Variants in ST8SIA1 observed in about 807,000 individuals in gnomAD.
ST8SIA1 encodes the protein alpha-N-acetylneuraminide alpha-2,8-sialyltransferase.
In ST8SIA1, 16 loss-of-function variants were observed where a neutral mutation model predicts 35.9. That is an observed-to-expected ratio of 0.45 (90% confidence interval 0.30 to 0.68). The LOEUF (loss-of-function observed/expected upper bound fraction) is 0.68. Ranked by LOEUF, ST8SIA1 falls within the 30% of genes least tolerant of loss-of-function variation. The probability of loss-of-function intolerance (pLI) is 0.09; values close to 1 mark genes in which losing one functional copy is unlikely to be tolerated. For synonymous variants in ST8SIA1, 170 were observed against 169.6 expected (o/e 1.00, Z -0.02); for missense variants, 383 against 453.6 (o/e 0.84, Z 1.41).
intron 4 of ST8SIA1, among the ~76,000 whole-genome samples, chr12:22,228,589 C>T (rs1447797552): frequency 6.6e-6 from 1 of 152,140 alleles, no homozygotes; most frequent in Non-Finnish European, 1.5e-5. Flanking sequence ...GAGTCATTGC[C>T]ATTGGAGAGC....
At chr12:22,310,179 G>A (rs1332489261) in intron 1 of ST8SIA1, among the ~76,000 whole-genome samples, 1 of 152,170 alleles carries the variant, frequency 6.6e-6, no homozygotes. Flanking sequence ...TAAATAAGGT[G>A]TATAAAGTAC....
intron 4 of ST8SIA1, among the ~76,000 whole-genome samples, chr12:22,221,953 C>T (rs1351857605): frequency 6.6e-6 from 1 of 152,080 alleles, no homozygotes; most frequent in Non-Finnish European, 1.5e-5. Context: ...TACCACCATT[C>T]TTCACCCATT....
At position 22,254,024 on chromosome 12, in the gene ST8SIA1, G is replaced by A. The variant is rs559682583; in HGVS notation, c.491+1256C>T. On this transcript the variant is annotated intron_variant, in intron 3 of 4. Coordinates refer to ENST00000396037, the MANE Select transcript of ST8SIA1 (RefSeq NM_003034.4). ...TTTTTCCACTCCTAGACTGTTACTC[G>A]TTTATACTTAAAAATAAACAGGAAT... is the stretch of plus-strand genomic sequence containing the variant. Among the ~76,000 whole-genome samples the A allele has an allele frequency of 3.3e-5, 5 of 151,998 alleles. No homozygotes were observed. In the South Asian group the frequency reaches 6.3e-4, roughly 19 times the overall value.
At chr12:22,309,421 C>T (rs1402540536) in intron 1 of ST8SIA1, among the ~76,000 whole-genome samples, 1 of 152,130 alleles carries the variant, frequency 6.6e-6, no homozygotes, top group East Asian at 1.9e-4. Flanking sequence ...CTCTGCTTCA[C>T]CTTTTGACAT....
chr12:22,300,912 A>G (rs1238232750), intron 1 of ST8SIA1, among the ~76,000 whole-genome samples: 4 of 152,190 alleles, frequency 2.6e-5, no homozygotes, highest in Non-Finnish European at 5.9e-5. Flanking sequence ...TATAGGAAGC[A>G]TCGTCAAATC....
intron 1 of ST8SIA1, among the ~76,000 whole-genome samples, chr12:22,305,265 C>G (rs756724734): frequency 6.6e-6 from 1 of 151,884 alleles, no homozygotes; most frequent in Non-Finnish European, 1.5e-5. Context: ...AAAGGATAGA[C>G]TAGTCAAATG....
rs548541998 is a variant in ST8SIA1 at position 22,193,532 on chromosome 12, G to A, written c.*8020C>T. The A allele has an allele frequency of 1.7e-4, 26 of 152,268 alleles. No homozygotes were observed. The highest frequency in any genetic ancestry group is 6.3e-4 in the African/African-American group (26 of 41,578). 9.4% of individuals were successfully genotyped at this position (152,268 alleles called of 1,614,324 possible). A position where few individuals can be genotyped will look rare whatever the true frequency, so the allele number is the denominator to read the frequency against. Reference sequence around the variant, plus strand: ...CCAAAGAAAAAGACATGTTTTTACAGCAAACCTCCTCCTATGACATTGCAT... The same window carrying A: ...CCAAAGAAAAAGACATGTTTTTACAACAAACCTCCTCCTATGACATTGCAT... On this transcript the variant is annotated 3_prime_UTR_variant, in exon 5 of 5. Transcript: ENST00000396037.
chr12:22,242,342 C>T (rs752072639), intron 4 of ST8SIA1, among the ~76,000 whole-genome samples: 1 of 152,118 alleles, frequency 6.6e-6, no homozygotes, highest in Non-Finnish European at 1.5e-5. Flanking sequence ...AGTAGTCCAT[C>T]GTCCATCTTT....
chr12:22,259,614 C>T (rs1386669643), intron 2 of ST8SIA1, among the ~76,000 whole-genome samples: 3 of 151,768 alleles, frequency 2.0e-5, no homozygotes, highest in South Asian at 4.2e-4. Flanking sequence ...TACAGGCACC[C>T]GCTACCATGC....
intron 1 of ST8SIA1, among the ~76,000 whole-genome samples, chr12:22,288,057 T>C (rs925687362): frequency 1.3e-5 from 2 of 152,178 alleles, no homozygotes; most frequent in Non-Finnish European, 2.9e-5. Context: ...TGGGCTGACT[T>C]GCAGGCTACT....
intron 1 of ST8SIA1, among the ~76,000 whole-genome samples, chr12:22,310,770 C>T (rs1866439381): frequency 6.6e-6 from 1 of 152,064 alleles, no homozygotes; most frequent in Non-Finnish European, 1.5e-5. Context: ...TCGTACATTC[C>T]TTTTCCCATA....
intron 1 of ST8SIA1, chr12:22,325,787 T>C (rs1206529975): frequency 1.5e-6 from 1 of 679,820 alleles, no homozygotes. Flanking sequence ...AGAACAATTA[T>C]AACAATATAC....
At chr12:22,332,619 T>G (rs1866782294) in intron 1 of ST8SIA1, among the ~76,000 whole-genome samples, 1 of 152,134 alleles carries the variant, frequency 6.6e-6, no homozygotes, top group Non-Finnish European at 1.5e-5. Context: ...GAGGTTATTT[T>G]TAAATTCAAT....
chr12:22,330,574 T>C lies in ST8SIA1; in HGVS notation c.236+3423A>G, dbSNP rs148899162. Among the ~76,000 whole-genome samples the C allele has an allele frequency of 1.8e-3, 276 of 152,328 alleles. 2 individuals carry two copies. The highest frequency in any genetic ancestry group is 6.2e-3 in the African/African-American group (256 of 41,588). ...CCCTATTTCCAGTTAGTTAATTATA[T>C]ACATTATCTGTCTTTTCCATGGGAT... On this transcript the variant is annotated intron_variant, in intron 1 of 4. Transcript: ENST00000396037.
chr12:22,324,128 A>G (rs925630156), intron 1 of ST8SIA1, among the ~76,000 whole-genome samples: 9 of 152,226 alleles, frequency 5.9e-5, no homozygotes, highest in Non-Finnish European at 1.2e-4. Flanking sequence ...TCCAACAAAG[A>G]TCATTGGTTA....
intron 4 of ST8SIA1, among the ~76,000 whole-genome samples, chr12:22,245,258 T>C (rs1435420306): frequency 6.6e-6 from 1 of 152,252 alleles, no homozygotes; most frequent in African/African-American, 2.4e-5. Flanking sequence ...CTTTCAATCA[T>C]GCACATGGTA....
At chr12:22,202,290 A>G (rs894156799) in intron 4 of ST8SIA1, among the ~76,000 whole-genome samples, 1 of 152,204 alleles carries the variant, frequency 6.6e-6, no homozygotes, top group Middle Eastern at 3.2e-3. Flanking sequence ...CTAAACTAAA[A>G]TGCATTATAC....
intron 1 of ST8SIA1, among the ~76,000 whole-genome samples, chr12:22,312,916 T>C (rs1319812788): frequency 1.3e-5 from 2 of 152,178 alleles, no homozygotes; most frequent in South Asian, 2.1e-4. Context: ...GAATTACTGG[T>C]CTAACCCTTT....
At chr12:22,259,559 A>T (rs1027290533) in intron 2 of ST8SIA1, among the ~76,000 whole-genome samples, 2 of 151,678 alleles carry the variant, frequency 1.3e-5, no homozygotes, top group African/African-American at 4.9e-5. Flanking sequence ...TCCGCCTCCC[A>T]GGTTCACGCC....
Sources: gnomAD v4.1 joint callset for allele counts (sites outside exome capture counted in the v4.1 genomes callset) on GRCh38, gnomAD v4.1.1 for gene constraint, MANE v1.5 for transcripts, NCBI Gene and HGNC (gene_info 2026-07-23, HGNC 2026-07-21) for gene names.